RIC1: variants seen among roughly 807,000 people sequenced by gnomAD.
RIC1 encodes guanine nucleotide exchange factor subunit RIC1.
In RIC1, 88 loss-of-function variants were observed where a neutral mutation model predicts 169.0. That is an observed-to-expected ratio of 0.52 (90% confidence interval 0.44 to 0.62). The LOEUF (loss-of-function observed/expected upper bound fraction) is 0.62, where lower values mean the gene tolerates loss of function less well. Ranked by LOEUF, RIC1 falls within the 20% of genes least tolerant of loss-of-function variation. The pLI is 0.00. For missense variants in RIC1, 1,877 were observed against 1,725.5 expected (o/e 1.09, Z -1.56); for synonymous variants, 790 against 601.5 (o/e 1.31, Z -4.59).
At chr9:5,739,325 G>C (rs1051949635) in intron 8 of RIC1, among the ~76,000 whole-genome samples, 3 of 151,960 alleles carry the variant, frequency 2.0e-5, no homozygotes, top group African/African-American at 7.3e-5. Context: ...TTAACTCCCC[G>C]AGCTGCAGCT....
chr9:5,713,361 T>C (rs1322505540), intron 3 of RIC1: 1 of 152,366 alleles, frequency 6.6e-6, no homozygotes, highest in Non-Finnish European at 1.5e-5. Context: ...GGATTTAAAA[T>C]TTTAGGTATT....
chr9:5,671,403 G>A (rs1391487499), intron 2 of RIC1, among the ~76,000 whole-genome samples: 1 of 151,802 alleles, frequency 6.6e-6, no homozygotes, highest in African/African-American at 2.4e-5. Context: ...ACCCTCCCAA[G>A]TAGTTGGGAT....
chr9:5,670,526 T>C (rs958146190), intron 2 of RIC1, among the ~76,000 whole-genome samples: 54 of 152,224 alleles, frequency 3.5e-4, no homozygotes, highest in Admixed American at 3.5e-3. Context: ...TTATTGTATA[T>C]TACTGTGCAG....
intron 23 of RIC1, among the ~76,000 whole-genome samples, chr9:5,770,623 T>C (rs2131143562): frequency 1.3e-5 from 2 of 152,352 alleles, no homozygotes; most frequent in Middle Eastern, 6.8e-3. Flanking sequence ...ATGTGGATCA[T>C]AACAAATTTT....
intron 1 of RIC1, among the ~76,000 whole-genome samples, chr9:5,649,413 A>G (rs1485186952): frequency 2.0e-5 from 3 of 151,922 alleles, no homozygotes; most frequent in Non-Finnish European, 4.4e-5. Context: ...TTGTTTTCTG[A>G]GTTATTTCAA....
intron 8 of RIC1, among the ~76,000 whole-genome samples, chr9:5,739,985 T>C (rs914926608): frequency 6.6e-6 from 1 of 152,164 alleles, no homozygotes; most frequent in Non-Finnish European, 1.5e-5. Flanking sequence ...CAATTTTAGC[T>C]CTTTCTCTAT....
At chr9:5,761,413 C>G (rs951727936) in intron 17 of RIC1, among the ~76,000 whole-genome samples, 1 of 151,928 alleles carries the variant, frequency 6.6e-6, no homozygotes, top group Non-Finnish European at 1.5e-5. Flanking sequence ...TGCGCCCAGC[C>G]TGGCCCAGCC....
intron 12 of RIC1, among the ~76,000 whole-genome samples, chr9:5,751,208 T>G (rs1825703602): frequency 6.6e-6 from 1 of 151,778 alleles, no homozygotes; most frequent in Admixed American, 6.5e-5. Flanking sequence ...AATGGATGAT[T>G]GACACAGTTA....
At chr9:5,661,700 G>A (rs1819461849) in intron 2 of RIC1, among the ~76,000 whole-genome samples, 1 of 152,200 alleles carries the variant, frequency 6.6e-6, no homozygotes. Context: ...AGACTTTGCT[G>A]AAGTTGCTTA....
chr9:5,751,978 G>C (rs1041057361), intron 12 of RIC1, among the ~76,000 whole-genome samples: 4 of 152,084 alleles, frequency 2.6e-5, no homozygotes, highest in African/African-American at 9.7e-5. Flanking sequence ...TGAACAGATC[G>C]AAGCTTTTCT....
chr9:5,669,028 T>A (rs1238233855), intron 2 of RIC1, among the ~76,000 whole-genome samples: 1 of 152,262 alleles, frequency 6.6e-6, no homozygotes. Context: ...CTAATTCTCC[T>A]AGCCCTCAGA....
chr9:5,766,393 G>C (rs546438007), intron 21 of RIC1, among the ~76,000 whole-genome samples: 36 of 152,046 alleles, frequency 2.4e-4, no homozygotes, highest in Non-Finnish European at 4.6e-4. Flanking sequence ...GGTGGTATTT[G>C]GTTACATTAA....
intron 4 of RIC1, among the ~76,000 whole-genome samples, chr9:5,716,975 C>CT (rs749696681): frequency 6.6e-6 from 1 of 152,132 alleles, no homozygotes; most frequent in Non-Finnish European, 1.5e-5. Context: ...CTGGCTCAGC[C>CT]TTTGTTTTAA....
intron 3 of RIC1, among the ~76,000 whole-genome samples, chr9:5,708,686 G>GT (rs1822749338): frequency 6.6e-6 from 1 of 151,836 alleles, no homozygotes; most frequent in Non-Finnish European, 1.5e-5. Context: ...GATTCTCTTC[G>GT]TTTTTTTGAC....
intron 1 of RIC1, among the ~76,000 whole-genome samples, chr9:5,650,141 G>A (rs761240953): frequency 3.3e-5 from 5 of 152,086 alleles, no homozygotes; most frequent in Non-Finnish European, 5.9e-5. Context: ...GTTTAATTGG[G>A]TTGATTCTTA....
intron 1 of RIC1, among the ~76,000 whole-genome samples, chr9:5,647,501 C>CA (rs1245409945): frequency 6.6e-6 from 1 of 152,156 alleles, no homozygotes; most frequent in Non-Finnish European, 1.5e-5. Context: ...TTGCAGTTTT[C>CA]ACTGTAGAAG....
At chr9:5,671,309 A>G (rs1820085838) in intron 2 of RIC1, among the ~76,000 whole-genome samples, 1 of 148,174 alleles carries the variant, frequency 6.7e-6, no homozygotes, top group Non-Finnish European at 1.5e-5. Context: ...TTGCTCTGTC[A>G]CCCAGACTGG....
At chr9:5,705,107 C>G (rs1822489093) in intron 3 of RIC1, among the ~76,000 whole-genome samples, 1 of 150,982 alleles carries the variant, frequency 6.6e-6, no homozygotes. Context: ...AATTCTCCAA[C>G]TTTGTTCTTC....
intron 2 of RIC1, among the ~76,000 whole-genome samples, chr9:5,680,768 T>C (rs1404913256): frequency 2.6e-5 from 4 of 150,994 alleles, no homozygotes; most frequent in Non-Finnish European, 3.0e-5. Context: ...GCTAGCGGTC[T>C]ATCAATTTTG....
Sources: allele counts gnomAD v4.1 joint callset (sites outside exome capture counted in the v4.1 genomes callset), GRCh38; gene constraint gnomAD v4.1.1; transcripts MANE v1.5; gene names NCBI Gene and HGNC (gene_info 2026-07-23, HGNC 2026-07-21).